The following ADGRL1 variants were observed in gnomAD, a reference collection of about 807,000 sequenced individuals.
The protein encoded by ADGRL1 is adhesion G protein-coupled receptor L1.
ADGRL1 carries 31 observed loss-of-function variants against 148.9 expected under a neutral mutation model. The observed-to-expected ratio is 0.21, with a 90% confidence interval of 0.16 to 0.28. ADGRL1 has a LOEUF of 0.28. Among genes scored for constraint, ADGRL1 ranks in the 10% least tolerant of loss-of-function variants. The probability of loss-of-function intolerance (pLI) is 1.00; values close to 1 mark genes in which losing one functional copy is unlikely to be tolerated. For synonymous variants in ADGRL1, 937 were observed against 900.3 expected (o/e 1.04, Z -0.73); for missense variants, 1,521 against 2,058.8 (o/e 0.74, Z 5.05).
Position 14,157,737 on chromosome 19 carries a change from G to T in ADGRL1, c.2535+145C>A. On this transcript the variant is annotated intron_variant, in intron 13 of 22. Coordinates refer to ENST00000361434, the MANE Select transcript of ADGRL1 (RefSeq NM_014921.5). This position sits in a 1 kb window ranked among gnomAD's most constrained non-coding sequence, Gnocchi z 7.5. ...ATGGCCATAGAGGACCAGACGCATG[G>T]CCTCATGCCCCAGGCAAGACCAGGG... 1.0e-6 allele frequency: 1 copy of T among 967,200 alleles called. No individual in the cohort carries two copies. The highest frequency in any genetic ancestry group is 1.5e-6 in the Non-Finnish European group (1 of 664,752). The allele number at this position is 967,200 out of a possible 1,614,324, so 59.9% of individuals were successfully genotyped here. A position where few individuals can be genotyped will look rare whatever the true frequency, so the allele number is the denominator to read the frequency against.
rs1373609188 is a variant in ADGRL1 at position 14,175,495 on chromosome 19, TAC to T, written c.284+2034_284+2035del. 6.6e-5 allele frequency among the ~76,000 whole-genome samples: 10 copies of T among 150,848 alleles called. No individual in the cohort carries two copies. In the East Asian group the frequency reaches 7.8e-4, roughly 12 times the overall value. ...ATGCTCACACCCACACCCGCTCACG[TAC>T]ACTTAAACACACCCAAATACACTCA... On this transcript the variant is annotated intron_variant, in intron 3 of 22. Coordinates refer to ENST00000361434, the MANE Select transcript of ADGRL1 (RefSeq NM_014921.5).
Position 14,160,332 on chromosome 19 carries a change from G to T in ADGRL1, c.1615-35C>A. The T allele has an allele frequency of 6.4e-7, 1 of 1,552,246 alleles. No individual in the cohort carries two copies. The highest frequency in any genetic ancestry group is 1.4e-5 in the African/African-American group (1 of 73,908). On this transcript the variant is annotated intron_variant, in intron 7 of 22. Coordinates refer to ENST00000361434, the MANE Select transcript of ADGRL1 (RefSeq NM_014921.5). This position sits in a 1 kb window ranked among gnomAD's most constrained non-coding sequence, Gnocchi z 5.9. ...GTGGGGGCGGGAAGGGGGAATCCCA[G>T]GACTGTCAGGGACCATCCTGCCCTC...
chr19:14,204,841 T>C (rs1377087090), intron 1 of ADGRL1, among the ~76,000 whole-genome samples: 1 of 151,412 alleles, frequency 6.6e-6, no homozygotes, highest in Non-Finnish European at 1.5e-5. Flanking sequence ...AAGTGGGATG[T>C]GGGAAGACAG....
chr19:14,158,256 G>C, intron 12 of ADGRL1, 82 bp downstream of exon 12: 1 of 1,417,790 alleles, frequency 7.1e-7, no homozygotes, highest in South Asian at 1.2e-5. Flanking sequence ...CTGGAGGTGA[G>C]CACATGGAGG....
Position 14,152,967 on chromosome 19 carries a change from G to A in ADGRL1, c.3295-55C>T, listed in dbSNP as rs11085879. ...GGACACTGGCCTCCTCTGTGATCCA[G>A]TCTCCCACAGGGCTGGTCACAAGAC... is the stretch of plus-strand genomic sequence containing the variant. On this transcript the variant is annotated intron_variant, in intron 18 of 22. Coordinates refer to ENST00000361434, the MANE Select transcript of ADGRL1 (RefSeq NM_014921.5). The surrounding 1 kb of genome is among the most constrained non-coding windows in gnomAD (Gnocchi z 6.1). 1.1e-5 allele frequency: 17 copies of A among 1,596,836 alleles called. No individual in the cohort carries two copies. Among genetic ancestry groups the A allele is most frequent in the Non-Finnish European group, 1.3e-5 (15 of 1,171,530 alleles).
intron 1 of ADGRL1, among the ~76,000 whole-genome samples, chr19:14,199,714 C>A (rs1044805032): frequency 6.6e-6 from 1 of 152,010 alleles, no homozygotes; most frequent in African/African-American, 2.4e-5. Context: ...CTACTGTGCC[C>A]GGCTGTTGCA....
chr19:14,152,072 A>G lies in ADGRL1; in HGVS notation c.3667+61T>C. On this transcript the variant is annotated intron_variant, in intron 22 of 22. Coordinates refer to ENST00000361434, the MANE Select transcript of ADGRL1 (RefSeq NM_014921.5). The surrounding 1 kb of genome is among the most constrained non-coding windows in gnomAD (Gnocchi z 6.1). ...TCCTCCTTAAGTGAGGCCGTCTGAG[A>G]AGGCCACTGTCTGTCCCTCTCCCAG... The G allele has an allele frequency of 6.6e-7, 1 of 1,513,008 alleles. No individual in the cohort carries two copies. Among genetic ancestry groups the G allele is most frequent in the East Asian group, 2.3e-5 (1 of 44,420 alleles). 93.7% of individuals were successfully genotyped at this position (1,513,008 alleles called of 1,614,324 possible). A position where few individuals can be genotyped will look rare whatever the true frequency, so the allele number is the denominator to read the frequency against.
intron 1 of ADGRL1, among the ~76,000 whole-genome samples, chr19:14,204,894 C>A (rs1320212313): frequency 1.3e-5 from 2 of 152,014 alleles, no homozygotes; most frequent in African/African-American, 4.8e-5. Flanking sequence ...GAAGGGGGGG[C>A]CCTGCCTGGA....
At position 14,160,042 on chromosome 19, in the gene ADGRL1, C is replaced by G. The variant is rs1218649624; in HGVS notation, c.1800+70G>C. The G allele has an allele frequency of 1.4e-6, 2 of 1,478,170 alleles. No homozygotes were observed. Among genetic ancestry groups the G allele is most frequent in the African/African-American group, 2.8e-5 (2 of 71,754 alleles). 91.6% of individuals were successfully genotyped at this position (1,478,170 alleles called of 1,614,324 possible). ...GCAGCCTGGCTGGGAGGTACCAGGT[C>G]AGGTACTTCCCAAGCCCCTGGGGGC... On this transcript the variant is annotated intron_variant, in intron 8 of 22. Coordinates refer to ENST00000361434, the MANE Select transcript of ADGRL1 (RefSeq NM_014921.5). The surrounding 1 kb of genome is among the most constrained non-coding windows in gnomAD (Gnocchi z 5.9).
Position 14,152,855 on chromosome 19 carries a change from G to A in ADGRL1, c.3352C>T (p.Pro1118Ser). The change falls in exon 19 of 23, where the codon CCC becomes TCC. Residue 1118 changes from proline to serine, a missense_variant. By Grantham distance (74) the Pro-to-Ser change is moderately conservative. Coordinates refer to ENST00000361434, the MANE Select transcript of ADGRL1 (RefSeq NM_014921.5). The surrounding 1 kb of genome is among the most constrained non-coding windows in gnomAD (Gnocchi z 6.1). ...TTGAGGGATCCGTGAGTGCCCCCGG[G>A]TGGGGAGCGGATGCAGCAGTAGGAG... Reference protein sequence around the residue: ...RHSYCCIRSPPGGTHGSLKTS... With the variant: ...RHSYCCIRSPSGGTHGSLKTS... The A allele has an allele frequency of 6.2e-7, 1 of 1,614,128 alleles. No homozygotes were observed. Among genetic ancestry groups the A allele is most frequent in the Non-Finnish European group, 8.5e-7 (1 of 1,179,962 alleles).
intron 2 of ADGRL1, among the ~76,000 whole-genome samples, chr19:14,180,834 G>A (rs1376908718): frequency 1.3e-5 from 2 of 152,180 alleles, no homozygotes; most frequent in Non-Finnish European, 2.9e-5. Context: ...GATTACAGGA[G>A]TGAGCCAGTG....
rs1969332939 is a variant in ADGRL1 at position 14,161,222 on chromosome 19, C to A, written c.1510+90G>T. 1 of 1,282,020 alleles carries A rather than the reference C, an allele frequency of 7.8e-7. No homozygotes were observed. Among genetic ancestry groups the A allele is most frequent in the Non-Finnish European group, 1.0e-6 (1 of 963,402 alleles). 79.4% of individuals were successfully genotyped at this position (1,282,020 alleles called of 1,614,324 possible). A position where few individuals can be genotyped will look rare whatever the true frequency, so the allele number is the denominator to read the frequency against. On this transcript the variant is annotated intron_variant, in intron 6 of 22. Coordinates refer to ENST00000361434, the MANE Select transcript of ADGRL1 (RefSeq NM_014921.5). The surrounding 1 kb of genome is among the most constrained non-coding windows in gnomAD (Gnocchi z 4.4). ...CTGCCCTCAGAAAACCTCTGCTCCG[C>A]AGTAGAGACCCCCACCCACACATGC...
chr19:14,186,771 C>T (rs1291021176), intron 1 of ADGRL1, among the ~76,000 whole-genome samples: 1 of 152,136 alleles, frequency 6.6e-6, no homozygotes, highest in African/African-American at 2.4e-5. Flanking sequence ...CTCCAAGCCC[C>T]ATTCTGTCCT....
At chr19:14,163,509 G>C in intron 4 of ADGRL1, 103 bp from the exon 5 acceptor site, 6 of 846,494 alleles carry the variant, frequency 7.1e-6, no homozygotes, top group Non-Finnish European at 8.8e-6. Context: ...GGGGGAGAGA[G>C]GCAAGTTGGT....
At chr19:14,191,183 T>C (rs1452177128) in intron 1 of ADGRL1, 1 of 456,726 alleles carries the variant, frequency 2.2e-6, no homozygotes, top group Non-Finnish European at 4.4e-6. Context: ...CCTCCAGCCA[T>C]GCGGGTTCCC....
Position 14,160,933 on chromosome 19 carries a change from C to A in ADGRL1, c.1511-237G>T, listed in dbSNP as rs1271716856. ...TCTTTGCCTCCAGAGTTAGAACCTT[C>A]CAGCAAGGCCCATCTTGAACGCCCC... On this transcript the variant is annotated intron_variant, in intron 6 of 22. Transcript: ENST00000361434. This position sits in a 1 kb window ranked among gnomAD's most constrained non-coding sequence, Gnocchi z 5.9. Among the ~76,000 whole-genome samples the A allele has an allele frequency of 1.3e-5, 2 of 152,144 alleles. No individual in the cohort carries two copies. The highest frequency in any genetic ancestry group is 4.8e-5 in the African/African-American group (2 of 41,430).
chr19:14,153,834 C>T (rs1282684183), intron 18 of ADGRL1, among the ~76,000 whole-genome samples: 2 of 151,486 alleles, frequency 1.3e-5, no homozygotes, highest in African/African-American at 4.9e-5. Flanking sequence ...GTCTGTAATC[C>T]CAGCTAGTTG....
At position 14,152,009 on chromosome 19, in the gene ADGRL1, G is replaced by C; in HGVS notation, c.3667+124C>G. ...GGCTGCCAGAGGCTGTGTGTCGGGG[G>C]GTGGGGAAATGTGGGCATGGGGAGG... On this transcript the variant is annotated intron_variant, in intron 22 of 22. Coordinates refer to ENST00000361434, the MANE Select transcript of ADGRL1 (RefSeq NM_014921.5). This position sits in a 1 kb window ranked among gnomAD's most constrained non-coding sequence, Gnocchi z 6.1. 1.1e-6 allele frequency: 1 copy of C among 878,330 alleles called. No individual in the cohort carries two copies. The highest frequency in any genetic ancestry group is 1.4e-5 in the South Asian group (1 of 72,668). The allele number at this position is 878,330 out of a possible 1,614,324, so 54.4% of individuals were successfully genotyped here.
intron 11 of ADGRL1, 140 bp downstream of exon 11, chr19:14,158,950 T>C: frequency 9.2e-7 from 1 of 1,083,266 alleles, no homozygotes; most frequent in Non-Finnish European, 1.3e-6. Context: ...TCAGGGCCCA[T>C]GAATCCCCTC....
Sources: gnomAD v4.1 joint callset for allele counts (sites outside exome capture counted in the v4.1 genomes callset) on GRCh38, gnomAD v4.1.1 for gene constraint, Gnocchi (gnomAD v3.1) non-coding constraint, MANE v1.5 for transcripts, NCBI Gene and HGNC (gene_info 2026-07-23, HGNC 2026-07-21) for gene names.